Variants in KIF17 observed in about 807,000 individuals in gnomAD.
KIF17 encodes kinesin family member 17.
In KIF17, 80 loss-of-function variants were observed where a neutral mutation model predicts 96.8. The observed-to-expected ratio is 0.83, with a 90% CI of 0.69 to 1.00. The LOEUF is 1.00. Among genes scored for constraint, KIF17 ranks in the 50% least tolerant of loss-of-function variants. The probability of loss-of-function intolerance (pLI) is 0.00; values close to 1 mark genes in which losing one functional copy is unlikely to be tolerated. For missense variants in KIF17, 1,280 were observed against 1,372.9 expected (o/e 0.93, Z 1.07); for synonymous variants, 567 against 587.5 (o/e 0.97, Z 0.51).
At chr1:20,707,781 ATGTGTATGTGTGTGTGTGTG>A (rs2054366913) in intron 4 of KIF17, among the ~76,000 whole-genome samples, 1 of 90,902 alleles carries the variant, frequency 1.1e-5, no homozygotes, top group African/African-American at 5.0e-5. Context: ...AAACAAACCA[ATGTGTATGTGTGTGTGTGTG>A]TGTGTGTGTG....
At chr1:20,717,006 G>A (rs2054588858) in intron 1 of KIF17, among the ~76,000 whole-genome samples, 1 of 152,162 alleles carries the variant, frequency 6.6e-6, no homozygotes, top group Non-Finnish European at 1.5e-5. Context: ...AACCAAAACA[G>A]GGCTAGGTGT....
rs144953741 is a variant in KIF17 at position 20,671,961 on chromosome 1, A to G, written c.2699T>C (p.Ile900Thr). ...ACCTACTGGGAGGCTGGTTTTTGTG[A>G]TGACGGGATGTGGGATCTTCCAGAA... ...NGFWKIPHPVITKTSLPVVST... is the reference protein window; with the variant it reads ...NGFWKIPHPVTTKTSLPVVST... The change falls in exon 12 of 15, where the codon ATC becomes ACC. Residue 900 changes from isoleucine to threonine, a missense_variant. Physicochemically the swap from Ile to Thr is moderately conservative, Grantham distance 89 (BLOSUM62 -1). Coordinates refer to ENST00000400463, the MANE Select transcript of KIF17 (RefSeq NM_001122819.3). 4 of 1,613,742 alleles carry G rather than the reference A, an allele frequency of 2.5e-6. No individual in the cohort carries two copies. In the African/African-American group the frequency reaches 4.0e-5, roughly 16 times the overall value.
In KIF17 at chr1:20,709,250, G is replaced by C. The variant is rs1255309585; in HGVS notation, c.670+389C>G. On this transcript the variant is annotated intron_variant, in intron 4 of 14. Transcript: ENST00000400463. The surrounding 1 kb of genome is among the most constrained non-coding windows in gnomAD (Gnocchi z 4.7). The stretch of plus-strand genomic sequence containing the variant: ...TACAAAAAATTAGCCAGGCATGGTG[G>C]TGTGCATGTAGTCCCAGCTGCTCAG... 6.6e-6 allele frequency among the ~76,000 whole-genome samples: 1 copy of C among 152,186 alleles called. No individual in the cohort carries two copies. The highest frequency in any genetic ancestry group is 2.4e-5 in the African/African-American group (1 of 41,442).
intron 6 of KIF17, 26 bp from the exon 7 acceptor site, chr1:20,690,361 G>A (rs750649959): frequency 6.3e-6 from 10 of 1,584,122 alleles, no homozygotes; most frequent in Admixed American, 1.7e-5. Context: ...GGACCAGAGG[G>A]CAGGCAGCAT....
At chr1:20,714,469 G>A (rs749572108) in intron 2 of KIF17, among the ~76,000 whole-genome samples, 5 of 151,964 alleles carry the variant, frequency 3.3e-5, no homozygotes, top group African/African-American at 4.8e-5. Flanking sequence ...CAGCCTGGGC[G>A]AAAGAGCAAG....
intron 13 of KIF17, among the ~76,000 whole-genome samples, chr1:20,666,656 G>T (rs2154534807): frequency 6.6e-6 from 1 of 152,276 alleles, no homozygotes; most frequent in South Asian, 2.1e-4. Context: ...AGGGGGGCCG[G>T]GTTGATACAC....
intron 5 of KIF17, among the ~76,000 whole-genome samples, chr1:20,702,821 G>A (rs556637964): frequency 7.7e-4 from 118 of 152,278 alleles, no homozygotes; most frequent in Non-Finnish European, 1.3e-3. Context: ...GCCCTGTACA[G>A]CTGTCTGCCC....
chr1:20,673,081 G>T (rs927453311), intron 11 of KIF17: 1 of 152,108 alleles, frequency 6.6e-6, no homozygotes, highest in African/African-American at 2.4e-5. Context: ...AAAAAAATTA[G>T]CCAGGTCTGC....
At chr1:20,673,506 G>A (rs1173589647) in intron 11 of KIF17, among the ~76,000 whole-genome samples, 2 of 150,720 alleles carry the variant, frequency 1.3e-5, no homozygotes, top group African/African-American at 2.4e-5. Context: ...GATTACAGGT[G>A]TGAGCTACAG....
In KIF17 at chr1:20,687,709, A is replaced by T. The variant is rs115071410; in HGVS notation, c.1617T>A (p.Ser539Arg). Residue 539 changes from serine to arginine, a missense_variant, in exon 8 of 15, where the codon AGT becomes AGA. Transcript: ENST00000400463. The surrounding 1 kb of genome is among the most constrained non-coding windows in gnomAD (Gnocchi z 4.4). The stretch of plus-strand genomic sequence containing the variant: ...AGGTTTCTTCGAGCGAGGATGACTC[A>T]CTGGAGCCCAGAGAAATCTCAGATT... ...PSKSEISLGS[S>R]ESSSLEETSV... 462 of 1,614,186 alleles carry T rather than the reference A, an allele frequency of 2.9e-4. 2 individuals are homozygous for T. The African/African-American group carries it at 5.2e-3, about 18-fold the overall frequency.
At position 20,671,267 on chromosome 1, in the gene KIF17, C is replaced by T. The variant is rs72978887; in HGVS notation, c.2722+671G>A. Among the ~76,000 whole-genome samples the T allele has an allele frequency of 4.1e-3, 619 of 152,292 alleles. 7 individuals carry two copies. The highest frequency in any genetic ancestry group is 0.014 in the African/African-American group (583 of 41,566). On this transcript the variant is annotated intron_variant, in intron 12 of 14. Coordinates refer to ENST00000400463, the MANE Select transcript of KIF17 (RefSeq NM_001122819.3). ...TAGGATAACAATGACATGCAGCGAGCATCACTATGTGCCAGGCACTGCTGT... is the reference window on the plus strand; with the variant it reads ...TAGGATAACAATGACATGCAGCGAGTATCACTATGTGCCAGGCACTGCTGT...
rs1310453624 is a variant in KIF17 at position 20,699,281 on chromosome 1, G to A, written c.1124-793C>T. 6.6e-6 allele frequency among the ~76,000 whole-genome samples: 1 copy of A among 152,166 alleles called. No individual in the cohort carries two copies. The highest frequency in any genetic ancestry group is 1.5e-5 in the Non-Finnish European group (1 of 68,042). Reference sequence around the variant, plus strand: ...CCATTTAAATAGTGTGTTAGGCTGGGCACAGTGTCTCATGTCTGTAACCCC... The same window carrying A: ...CCATTTAAATAGTGTGTTAGGCTGGACACAGTGTCTCATGTCTGTAACCCC... On this transcript the variant is annotated intron_variant, in intron 5 of 14. Transcript: ENST00000400463. This position sits in a 1 kb window ranked among gnomAD's most constrained non-coding sequence, Gnocchi z 4.3.
chr1:20,709,533 C>A lies in KIF17; in HGVS notation c.670+106G>T. On this transcript the variant is annotated intron_variant, in intron 4 of 14. Transcript: ENST00000400463. The surrounding 1 kb of genome is among the most constrained non-coding windows in gnomAD (Gnocchi z 4.7). The stretch of plus-strand genomic sequence containing the variant: ...TTTCCTCCAGGCTGTTAGAGCATCT[C>A]TTCCCACTTTCCAGGGGCTCCTGCG... 7.8e-7 allele frequency: 1 copy of A among 1,276,958 alleles called. No homozygotes were observed. Among genetic ancestry groups the A allele is most frequent in the Non-Finnish European group, 1.1e-6 (1 of 880,654 alleles). 79.1% of individuals were successfully genotyped at this position (1,276,958 alleles called of 1,614,324 possible).
chr1:20,715,559 C>T lies in KIF17; in HGVS notation c.312G>A (p.Leu104=). Reference sequence around the variant, plus strand: ...TGCCTCTCTGGGAGGGCGGATCCGGCAGGCCCTGCATGGTGAAGGACTTCC... The same window carrying T: ...TGCCTCTCTGGGAGGGCGGATCCGGTAGGCCCTGCATGGTGAAGGACTTCC... ...GSGKSFTMQG[L]PDPPSQRGII... is the part of the protein sequence containing the mutation. The change falls in exon 2 of 15, where the codon CTG becomes CTA. Residue 104 remains leucine (L), a synonymous_variant. Transcript: ENST00000400463. 1 of 1,613,754 alleles carries T rather than the reference C, an allele frequency of 6.2e-7. No homozygotes were observed. The highest frequency in any genetic ancestry group is 1.7e-5 in the Admixed American group (1 of 60,030).
intron 11 of KIF17, among the ~76,000 whole-genome samples, chr1:20,676,260 G>T (rs2053735438): frequency 6.6e-6 from 1 of 152,008 alleles, no homozygotes; most frequent in Admixed American, 6.6e-5. Flanking sequence ...TTAACAGTTG[G>T]TCAATTTGAC....
chr1:20,678,399 C>T (rs2053774026), intron 11 of KIF17, among the ~76,000 whole-genome samples: 2 of 152,028 alleles, frequency 1.3e-5, no homozygotes, highest in African/African-American at 4.8e-5. Flanking sequence ...GTACATATTT[C>T]CTTATACAAA....
At position 20,704,689 on chromosome 1, in the gene KIF17, C is replaced by T. The variant is rs776259696; in HGVS notation, c.881G>A (p.Arg294Gln). The change falls in exon 5 of 15, where the codon CGG (arginine) becomes CAG (glutamine). Residue 294 changes from arginine (R) to glutamine (Q), a missense_variant. Physicochemically the swap from Arg to Gln is conservative, Grantham distance 43. Coordinates refer to ENST00000400463, the MANE Select transcript of KIF17 (RefSeq NM_001122819.3). The surrounding 1 kb of genome is among the most constrained non-coding windows in gnomAD (Gnocchi z 6.8). ...GCCGCCCAGTGAGTCCTGCAGCAGCCGCGTCAGCTTCGAGTCACGGTAGGG... is the reference window on the plus strand; with the variant it reads ...GCCGCCCAGTGAGTCCTGCAGCAGCTGCGTCAGCTTCGAGTCACGGTAGGG... The part of the protein sequence containing the change: ...HVPYRDSKLT[R>Q]LLQDSLGGNT... 11 of 1,614,004 alleles carry T rather than the reference C, an allele frequency of 6.8e-6. No individual in the cohort carries two copies. The highest frequency in any genetic ancestry group is 4.0e-5 in the African/African-American group (3 of 74,938).
intron 10 of KIF17, among the ~76,000 whole-genome samples, chr1:20,684,531 G>T (rs1203089104): frequency 1.3e-5 from 2 of 152,208 alleles, no homozygotes; most frequent in Non-Finnish European, 2.9e-5. Context: ...GGGGCTGGGG[G>T]CTTGGCTGGG....
At chr1:20,662,512 G>A (rs1038069738), downstream of KIF17, among the ~76,000 whole-genome samples, 2 of 152,140 alleles carry the variant, frequency 1.3e-5, no homozygotes, top group African/African-American at 4.8e-5. Flanking sequence ...CATTCCCACT[G>A]GCTCTGCCCC....
Sources: gnomAD v4.1 joint callset for allele counts (sites outside exome capture counted in the v4.1 genomes callset) on GRCh38, gnomAD v4.1.1 for gene constraint, Gnocchi (gnomAD v3.1) non-coding constraint, MANE v1.5 for transcripts, NCBI Gene and HGNC (gene_info 2026-07-23, HGNC 2026-07-21) for gene names.